Variants in CAMK2G observed in about 807,000 individuals in gnomAD.
The protein encoded by CAMK2G is calcium/calmodulin dependent protein kinase II gamma.
A neutral mutation model predicts 88.7 loss-of-function variants in CAMK2G; 23 were observed. The observed-to-expected ratio is 0.26, with a 90% CI of 0.19 to 0.37. The LOEUF is 0.37. CAMK2G is among the 10% of genes least tolerant of loss of function. CAMK2G has a pLI of 1.00. For missense variants in CAMK2G, 476 were observed against 780.8 expected (o/e 0.61, Z 4.65); for synonymous variants, 263 against 294.8 (o/e 0.89, Z 1.11).
At chr10:73,858,606 G>C (rs1389535820) in intron 3 of CAMK2G, among the ~76,000 whole-genome samples, 1 of 152,128 alleles carries the variant, frequency 6.6e-6, no homozygotes, top group Non-Finnish European at 1.5e-5. Flanking sequence ...GAGCAGTCAT[G>C]AAATGGAAGC....
At chr10:73,841,838 C>T (rs2459446) in intron 12 of CAMK2G, 137,048 of 253,732 alleles carry the variant, frequency 0.54, 40,052 homozygotes, top group East Asian at 0.88. Flanking sequence ...CCCAGCACAT[C>T]CTCCAAGATC....
chr10:73,833,743 C>T (rs1167301050), intron 14 of CAMK2G, among the ~76,000 whole-genome samples: 1 of 151,432 alleles, frequency 6.6e-6, no homozygotes, highest in East Asian at 1.9e-4. Flanking sequence ...GGACTACAGG[C>T]GTGCACCACC....
chr10:73,869,771 A>C (rs986410716), intron 2 of CAMK2G, among the ~76,000 whole-genome samples: 2 of 152,270 alleles, frequency 1.3e-5, no homozygotes, highest in African/African-American at 4.8e-5. Context: ...TGTACAGATT[A>C]AATAAATATG....
rs1554995765 is a variant in CAMK2G, at chr10:73,820,492, A to ATAT, written c.1250-848_1250-847insATA. Among the ~76,000 whole-genome samples, 301 of 51,064 alleles carry ATAT rather than the reference A, an allele frequency of 5.9e-3. 2 individuals carry two copies. Among genetic ancestry groups the ATAT allele is most frequent in the East Asian group, 0.031 (57 of 1,864 alleles). The allele number at this position is 51,064 out of a possible 152,430, so 33.5% of individuals were successfully genotyped here. On this transcript the variant is annotated intron_variant, in intron 18 of 22. Coordinates refer to ENST00000423381, the MANE Select transcript of CAMK2G (RefSeq NM_001367534.1). Reference sequence around the variant, plus strand: ...TATATATATATATATATATATATATATTTTTTTTTTTTTTTTTTTCTTGAG... The same window carrying ATAT: ...TATATATATATATATATATATATATATATTTTTTTTTTTTTTTTTTTTCTTGAG...
rs778278955 is a variant in CAMK2G, at chr10:73,816,748, C to T, written c.1534+275G>A. The T allele has an allele frequency of 1.6e-5, 23 of 1,398,162 alleles. No homozygotes were observed. The South Asian group carries it at 1.8e-4, about 11-fold the overall frequency. 86.6% of individuals were successfully genotyped at this position (1,398,162 alleles called of 1,614,324 possible). ...TGTTGGGATTACAGGCGTAAGCCACCGCGCCCGGCAAGAAATAAGTGAGCT... is the reference window on the plus strand; with the variant it reads ...TGTTGGGATTACAGGCGTAAGCCACTGCGCCCGGCAAGAAATAAGTGAGCT... On this transcript the variant is annotated intron_variant, in intron 21 of 22. Coordinates refer to ENST00000423381, the MANE Select transcript of CAMK2G (RefSeq NM_001367534.1).
intron 14 of CAMK2G, among the ~76,000 whole-genome samples, chr10:73,830,640 G>C (rs575588487): frequency 6.6e-6 from 1 of 152,198 alleles, no homozygotes; most frequent in East Asian, 1.9e-4. Flanking sequence ...GGCCATTCTG[G>C]CCTGGGACTA....
chr10:73,841,210 T>A (rs1460303682), intron 12 of CAMK2G, among the ~76,000 whole-genome samples: 1 of 152,158 alleles, frequency 6.6e-6, no homozygotes, highest in Non-Finnish European at 1.5e-5. Context: ...AGGACGGGTA[T>A]TCAGAAGTGG....
At chr10:73,828,198 A>G in intron 14 of CAMK2G, 77 bp from the exon 15 acceptor site, 1 of 1,216,592 alleles carries the variant, frequency 8.2e-7, no homozygotes, top group Non-Finnish European at 1.2e-6. Flanking sequence ...GCTGCAGGTT[A>G]GCGCACCAGT....
chr10:73,815,032 C>T lies in CAMK2G; in HGVS notation c.1750G>A (p.Ala584Thr). ...GGCTGAGCTCACTGCAGCGGTGCGG[C>T]AGGGGCCCCTGAGCAGTGATAGTGG... ...NVHYHCSGAP[A>T]APLQ The change falls in exon 22 of 23, where the codon GCC becomes ACC. Residue 584 changes from alanine to threonine, a missense_variant. This residue lies in a region of CAMK2G where 278 missense variants were observed against 366.5 expected (regional missense o/e 0.76). Coordinates refer to ENST00000423381, the MANE Select transcript of CAMK2G (RefSeq NM_001367534.1). 6.2e-7 allele frequency: 1 copy of T among 1,613,534 alleles called. No individual in the cohort carries two copies. Among genetic ancestry groups the T allele is most frequent in the Non-Finnish European group, 8.5e-7 (1 of 1,179,802 alleles).
intron 9 of CAMK2G, among the ~76,000 whole-genome samples, 164 bp downstream of exon 9, chr10:73,847,824 G>C (rs899350663): frequency 2.6e-5 from 4 of 152,182 alleles, no homozygotes; most frequent in Non-Finnish European, 4.4e-5. Context: ...CTGGGACATA[G>C]AGTGGCAAGA....
intron 1 of CAMK2G, 76 bp from the exon 2 acceptor site, chr10:73,873,159 G>C: frequency 2.7e-6 from 3 of 1,102,776 alleles, no homozygotes; most frequent in Non-Finnish European, 4.2e-6. Context: ...GTCTGGGGAC[G>C]ATGATGCTCC....
chr10:73,862,137 G>A (rs925006115), intron 2 of CAMK2G, among the ~76,000 whole-genome samples: 1 of 152,176 alleles, frequency 6.6e-6, no homozygotes, highest in African/African-American at 2.4e-5. Flanking sequence ...CAGAGCTCCA[G>A]TACGTGGGAA....
rs552730369 is a variant in CAMK2G, at chr10:73,847,134, A to G, written c.819+91T>C. ...CAGTTATTGCTTGGGGCCCAGAATG[A>G]ATCTCTGCTGGTAAGAAGGAGGGGG... On this transcript the variant is annotated intron_variant, in intron 10 of 22. Coordinates refer to ENST00000423381, the MANE Select transcript of CAMK2G (RefSeq NM_001367534.1). 83 of 1,348,226 alleles carry G rather than the reference A, an allele frequency of 6.2e-5. No homozygotes were observed. The African/African-American group carries it at 1.0e-3, about 17-fold the overall frequency. The allele number at this position is 1,348,226 out of a possible 1,614,324, so 83.5% of individuals were successfully genotyped here.
intron 14 of CAMK2G, among the ~76,000 whole-genome samples, chr10:73,831,032 T>G (rs2092344145): frequency 6.6e-6 from 1 of 152,180 alleles, no homozygotes; most frequent in South Asian, 2.1e-4. Context: ...GATCAAAACC[T>G]TGACTTTGAG....
chr10:73,817,007 G>A lies in CAMK2G; in HGVS notation c.1534+16C>T. On this transcript the variant is annotated intron_variant, in intron 21 of 22. Transcript: ENST00000423381. The stretch of plus-strand genomic sequence containing the variant: ...AGGGGCAGGCAGGAGTATATCAGCA[G>A]CACGAACCCACTCACGATTCTCAAA... 6.2e-7 allele frequency: 1 copy of A among 1,614,024 alleles called. No individual in the cohort carries two copies.
chr10:73,872,797 G>C (rs2095879225), intron 2 of CAMK2G, among the ~76,000 whole-genome samples, 192 bp downstream of exon 2: 1 of 152,142 alleles, frequency 6.6e-6, no homozygotes, highest in African/African-American at 2.4e-5. Context: ...TCATTCTTTT[G>C]TACCTGGGCG....
chr10:73,869,077 T>C (rs888893276), intron 2 of CAMK2G, among the ~76,000 whole-genome samples: 1 of 152,316 alleles, frequency 6.6e-6, no homozygotes, highest in Non-Finnish European at 1.5e-5. Context: ...CCAGAGGGCA[T>C]GGCAAGAGCA....
chr10:73,838,837 C>T (rs371339138), intron 13 of CAMK2G, among the ~76,000 whole-genome samples: 28 of 152,306 alleles, frequency 1.8e-4, no homozygotes, highest in African/African-American at 5.8e-4. Flanking sequence ...TATCTTATCC[C>T]TAAGGGTCTG....
chr10:73,845,607 T>A (rs942745945), intron 10 of CAMK2G, among the ~76,000 whole-genome samples: 5 of 150,702 alleles, frequency 3.3e-5, no homozygotes, highest in Non-Finnish European at 5.9e-5. Flanking sequence ...AAAACCATCG[T>A]CTTGTCTCAC....
Sources: gnomAD v4.1 joint callset for allele counts (sites outside exome capture counted in the v4.1 genomes callset) on GRCh38, gnomAD v4.1.1 for gene constraint, gnomAD v4.1.1 regional missense constraint, MANE v1.5 for transcripts, NCBI Gene and HGNC (gene_info 2026-07-23, HGNC 2026-07-21) for gene names.